Variants in PCDHGA10 observed in about 807,000 individuals in gnomAD.
PCDHGA10 encodes the protein protocadherin gamma subfamily A, 10.
Under a neutral mutation model 59.5 loss-of-function variants are expected in PCDHGA10, and 42 were observed. The observed-to-expected ratio is 0.71, with a 90% confidence interval of 0.55 to 0.91. PCDHGA10 has a LOEUF of 0.91. PCDHGA10 is among the 40% of genes least tolerant of loss of function. PCDHGA10 has a pLI of 0.00. For missense variants in PCDHGA10, 1,111 were observed against 1,198.2 expected, an observed-to-expected ratio of 0.93 and a Z score of 1.07; for synonymous variants, 511 against 517.2, an observed-to-expected ratio of 0.99 and a Z score of 0.16.
chr5:141,486,263 G>GAACCTGGC lies in PCDHGA10; in HGVS notation c.2437-8542_2437-8535dup. 6.2e-7 allele frequency: 1 copy of GAACCTGGC among 1,614,090 alleles called. No homozygotes were observed. Among genetic ancestry groups the GAACCTGGC allele is most frequent in the South Asian group, 1.1e-5 (1 of 91,064 alleles). On this transcript the variant is annotated intron_variant, in intron 1 of 3. Coordinates refer to ENST00000398610, the MANE Select transcript of PCDHGA10 (RefSeq NM_018913.3). This position sits in a 1 kb window ranked among gnomAD's most constrained non-coding sequence, Gnocchi z 5.0. ...GCTTGGAACCCTCCCCGAGAGTGCAGAACCTGGCACTGTGGTGGCACTTAT... is the reference window on the plus strand; with the variant it reads ...GCTTGGAACCCTCCCCGAGAGTGCAGAACCTGGCAACCTGGCACTGTGGTGGCACTTAT...
chr5:141,457,429 C>G (rs73280316), intron 1 of PCDHGA10, among the ~76,000 whole-genome samples: 1,780 of 152,292 alleles, frequency 0.012, 30 homozygotes, highest in African/African-American at 0.04. Context: ...TTTTCCCCCC[C>G]ACCAAGCTGC....
intron 1 of PCDHGA10, among the ~76,000 whole-genome samples, chr5:141,456,105 G>T (rs2098843517): frequency 6.6e-6 from 1 of 151,978 alleles, no homozygotes; most frequent in Non-Finnish European, 1.5e-5. Context: ...CACCGTGTTA[G>T]CCAGGATGGT....
intron 1 of PCDHGA10, chr5:141,478,182 AT>A: frequency 6.2e-7 from 1 of 1,613,984 alleles, no homozygotes. Context: ...CAGAAAAAAA[AT>A]CTCACCTTTT....
rs780541121 is a variant in PCDHGA10 at position 141,477,533 on chromosome 5, G to T, written c.2437-17274G>T. ...TTACATTGAAGAAAACAACCTCCCCGGGGCTCCAATACTAAACCTAAGTGT... is the reference window on the plus strand; with the variant it reads ...TTACATTGAAGAAAACAACCTCCCCTGGGCTCCAATACTAAACCTAAGTGT... On this transcript the variant is annotated intron_variant, in intron 1 of 3. Coordinates refer to ENST00000398610, the MANE Select transcript of PCDHGA10 (RefSeq NM_018913.3). This position sits in a 1 kb window ranked among gnomAD's most constrained non-coding sequence, Gnocchi z 4.9. 6.2e-7 allele frequency: 1 copy of T among 1,614,010 alleles called. No homozygotes were observed. The highest frequency in any genetic ancestry group is 1.1e-5 in the South Asian group (1 of 91,066).
At position 141,423,756 on chromosome 5, in the gene PCDHGA10, G is replaced by GGA. The variant is rs1554116833; in HGVS notation, c.2436+8146_2436+8147insAG. 3 of 448,454 alleles carry GGA rather than the reference G, an allele frequency of 6.7e-6. No individual in the cohort carries two copies. In the African/African-American group the frequency reaches 8.4e-5, roughly 13 times the overall value. The allele number at this position is 448,454 out of a possible 1,614,324, so 27.8% of individuals were successfully genotyped here. A position where few individuals can be genotyped will look rare whatever the true frequency, so the allele number is the denominator to read the frequency against. ...GCCTGTTATGAAAACTGTTTGGGGG[G>GGA]GGGGTGGGGCGGCATATATTTAGTT... On this transcript the variant is annotated intron_variant, in intron 1 of 3. Coordinates refer to ENST00000398610, the MANE Select transcript of PCDHGA10 (RefSeq NM_018913.3).
Position 141,476,715 on chromosome 5 carries a change from G to C in PCDHGA10, c.2437-18092G>C. 6.2e-7 allele frequency: 1 copy of C among 1,614,168 alleles called. No individual in the cohort carries two copies. The highest frequency in any genetic ancestry group is 8.5e-7 in the Non-Finnish European group (1 of 1,180,030). On this transcript the variant is annotated intron_variant, in intron 1 of 3. Transcript: ENST00000398610. The surrounding 1 kb of genome is among the most constrained non-coding windows in gnomAD (Gnocchi z 7.6). ...AAGTACGCGGAGCTGGTGTTGGAGC[G>C]CGCCCTGGACCGAGAACGGGAGCCT...
chr5:141,505,597 T>C, intron 3 of PCDHGA10, 116 bp downstream of exon 3: 1 of 1,558,330 alleles, frequency 6.4e-7, no homozygotes, highest in Non-Finnish European at 8.7e-7. Context: ...TCCAGATCTT[T>C]CGGCAGGTCT....
intron 2 of PCDHGA10, among the ~76,000 whole-genome samples, chr5:141,500,501 G>A (rs571735791): frequency 1.3e-5 from 2 of 152,058 alleles, no homozygotes; most frequent in Non-Finnish European, 2.9e-5. Context: ...GAGCCACCGC[G>A]CCTGGCCGAG....
intron 1 of PCDHGA10, chr5:141,418,650 T>A (rs764145825): frequency 5.0e-6 from 8 of 1,613,898 alleles, no homozygotes; most frequent in South Asian, 2.2e-5. Flanking sequence ...ATCCTGAGAG[T>A]GAAGGCCACT....
At chr5:141,418,185 T>C in intron 1 of PCDHGA10, 1 of 1,614,058 alleles carries the variant, frequency 6.2e-7, no homozygotes, top group Non-Finnish European at 8.5e-7. Flanking sequence ...TTGGAAGCTG[T>C]GGTGGAAAAT....
intron 1 of PCDHGA10, among the ~76,000 whole-genome samples, chr5:141,438,620 A>G (rs2098023964): frequency 1.0e-4 from 4 of 39,044 alleles, no homozygotes; most frequent in African/African-American, 8.0e-4. Flanking sequence ...ATATATATAT[A>G]TATATATATA....
At chr5:141,437,188 G>T (rs1303844523) in intron 1 of PCDHGA10, among the ~76,000 whole-genome samples, 1 of 152,146 alleles carries the variant, frequency 6.6e-6, no homozygotes, top group Non-Finnish European at 1.5e-5. Context: ...CTGGGCAATG[G>T]GTTTGGATGT....
At chr5:141,441,368 G>A (rs1215599443) in intron 1 of PCDHGA10, 2 of 152,598 alleles carry the variant, frequency 1.3e-5, no homozygotes, top group African/African-American at 2.4e-5. Flanking sequence ...TGGGGCCGTG[G>A]ACCAGGAACA....
In PCDHGA10 at chr5:141,506,418, G is replaced by A. The variant is rs2099853241; in HGVS notation, c.2584+937G>A. Among the ~76,000 whole-genome samples, 3 of 141,160 alleles carry A rather than the reference G, an allele frequency of 2.1e-5. No homozygotes were observed. The South Asian group carries it at 6.6e-4, about 31-fold the overall frequency. 92.6% of individuals were successfully genotyped at this position (141,160 alleles called of 152,430 possible). The stretch of plus-strand genomic sequence containing the variant: ...CAGAAAATCGCACCACTGCACTCCA[G>A]CCTGGGCAACAGTCTCGCTCTGTCT... On this transcript the variant is annotated intron_variant, in intron 3 of 3. Coordinates refer to ENST00000398610, the MANE Select transcript of PCDHGA10 (RefSeq NM_018913.3).
Position 141,431,677 on chromosome 5 carries a change from G to T in PCDHGA10, c.2436+16066G>T. The T allele has an allele frequency of 1.2e-6, 2 of 1,614,236 alleles. No homozygotes were observed. Among genetic ancestry groups the T allele is most frequent in the Non-Finnish European group, 1.7e-6 (2 of 1,180,050 alleles). ...CAGGGACAATATCAACAATAGGGGAGTTGGACCACGAGGAGTCAGGATTCT... is the reference window on the plus strand; with the variant it reads ...CAGGGACAATATCAACAATAGGGGATTTGGACCACGAGGAGTCAGGATTCT... On this transcript the variant is annotated intron_variant, in intron 1 of 3. Coordinates refer to ENST00000398610, the MANE Select transcript of PCDHGA10 (RefSeq NM_018913.3). The surrounding 1 kb of genome is among the most constrained non-coding windows in gnomAD (Gnocchi z 4.8).
Position 141,511,315 on chromosome 5 carries a change from G to A in PCDHGA10, c.*142G>A. ...AAGGCCATGCTCCCCTTGGGAAACA[G>A]AAACAAGTGCCCAGTCAGCACCTAC... On this transcript the variant is annotated 3_prime_UTR_variant, in exon 4 of 4. Coordinates refer to ENST00000398610, the MANE Select transcript of PCDHGA10 (RefSeq NM_018913.3). 6.8e-7 allele frequency: 1 copy of A among 1,481,384 alleles called. No individual in the cohort carries two copies. Among genetic ancestry groups the A allele is most frequent in the Non-Finnish European group, 9.0e-7 (1 of 1,110,974 alleles). 91.8% of individuals were successfully genotyped at this position (1,481,384 alleles called of 1,614,324 possible).
At position 141,426,001 on chromosome 5, in the gene PCDHGA10, T is replaced by C. The variant is rs553657872; in HGVS notation, c.2436+10390T>C. Among the ~76,000 whole-genome samples, 3 of 152,318 alleles carry C rather than the reference T, an allele frequency of 2.0e-5. No individual in the cohort carries two copies. In the South Asian group the frequency reaches 6.2e-4, roughly 32 times the overall value. The stretch of plus-strand genomic sequence containing the variant: ...TGAATCCCATTGAATTAGCAAAGGC[T>C]TCCGGCTGCAGTTTTCTAAATAGAC... On this transcript the variant is annotated intron_variant, in intron 1 of 3. Transcript: ENST00000398610.
chr5:141,511,358 G>T lies in PCDHGA10; in HGVS notation c.*185G>T, dbSNP rs905197337. 1.5e-6 allele frequency: 2 copies of T among 1,355,398 alleles called. No homozygotes were observed. Among genetic ancestry groups the T allele is most frequent in the East Asian group, 2.5e-5 (1 of 39,588 alleles). The allele number at this position is 1,355,398 out of a possible 1,614,324, so 84.0% of individuals were successfully genotyped here. ...GCACCTACCCCTTCCCCCCCAGGGGGTTGAATATGCAAAAGCAGTTCCGCT... is the reference window on the plus strand; with the variant it reads ...GCACCTACCCCTTCCCCCCCAGGGGTTTGAATATGCAAAAGCAGTTCCGCT... On this transcript the variant is annotated 3_prime_UTR_variant, in exon 4 of 4. Coordinates refer to ENST00000398610, the MANE Select transcript of PCDHGA10 (RefSeq NM_018913.3).
In PCDHGA10 at chr5:141,414,354, T is replaced by C. The variant is rs1389145668; in HGVS notation, c.1179T>C (p.Tyr393=). 1.2e-6 allele frequency: 2 copies of C among 1,613,800 alleles called. No homozygotes were observed. Among genetic ancestry groups the C allele is most frequent in the Admixed American group, 1.7e-5 (1 of 59,992 alleles). Residue 393 remains tyrosine (Y), a synonymous_variant, in exon 1 of 4, where the codon TAT becomes TAC. Coordinates refer to ENST00000398610, the MANE Select transcript of PCDHGA10 (RefSeq NM_018913.3). ...AGGTAACCTGTTCCATTTTGGCGTATCTACCATTTAAATTAGAAAAGTCCA... is the reference window on the plus strand; with the variant it reads ...AGGTAACCTGTTCCATTTTGGCGTACCTACCATTTAAATTAGAAAAGTCCA... ...NGQVTCSILA[Y]LPFKLEKSID...
Sources: allele counts gnomAD v4.1 joint callset (sites outside exome capture counted in the v4.1 genomes callset), GRCh38; gene constraint gnomAD v4.1.1; non-coding constraint Gnocchi (gnomAD v3.1); transcripts MANE v1.5; gene names NCBI Gene and HGNC (gene_info 2026-07-23, HGNC 2026-07-21).